The following ARSG variants were observed in gnomAD, a reference collection of about 807,000 sequenced individuals.
The protein encoded by ARSG is ASG.
In ARSG, 37 loss-of-function variants were observed where a neutral mutation model predicts 50.5. The ratio of observed to expected loss-of-function variants is 0.73; its 90% confidence interval spans 0.56 to 0.96. The LOEUF (loss-of-function observed/expected upper bound fraction) is 0.96. ARSG is among the 50% of genes least tolerant of loss of function. The probability of loss-of-function intolerance (pLI) is 0.00; values close to 1 mark genes in which losing one functional copy is unlikely to be tolerated. For missense variants in ARSG, 629 were observed against 675.3 expected, an observed-to-expected ratio of 0.93 and a Z score of 0.76; for synonymous variants, 225 against 254.6, an observed-to-expected ratio of 0.88 and a Z score of 1.11.
At chr17:68,384,319 T>G (rs1229116290) in intron 8 of ARSG, among the ~76,000 whole-genome samples, 2 of 152,164 alleles carry the variant, frequency 1.3e-5, no homozygotes, top group Non-Finnish European at 2.9e-5. Context: ...TGACCTCATG[T>G]CTTCCAGCCC....
At position 68,343,628 on chromosome 17, in the gene ARSG, C is replaced by T. The variant is rs1327925750; in HGVS notation, c.243C>T (p.Ala81=). 2 of 1,612,624 alleles carry T rather than the reference C, an allele frequency of 1.2e-6. No homozygotes were observed. The highest frequency in any genetic ancestry group is 1.7e-6 in the Non-Finnish European group (2 of 1,179,066). Residue 81 remains alanine, a synonymous_variant, in exon 3 of 12, where the codon GCC becomes GCT. Coordinates refer to ENST00000621439, the MANE Select transcript of ARSG (RefSeq NM_001267727.2). ...GMRFVDFHAA[A]STCSPSRASL... The stretch of plus-strand genomic sequence containing the variant: ...GGTTTGTGGATTTCCATGCAGCTGC[C>T]TCCACCTGCTCACCCTCCCGGGCTT...
chr17:68,284,678 T>C (rs1234179876), intron 1 of ARSG, among the ~76,000 whole-genome samples: 3 of 152,230 alleles, frequency 2.0e-5, no homozygotes, highest in African/African-American at 7.2e-5. Flanking sequence ...AAGCAGCAAA[T>C]CTGATCTAAC....
intron 9 of ARSG, among the ~76,000 whole-genome samples, chr17:68,390,149 G>A (rs1051367362): frequency 4.6e-5 from 7 of 151,950 alleles, no homozygotes; most frequent in Admixed American, 4.6e-4. Context: ...CACCATGCCC[G>A]GCTAATTTTT....
chr17:68,273,235 G>T (rs1162691178), intron 1 of ARSG, among the ~76,000 whole-genome samples: 3 of 151,410 alleles, frequency 2.0e-5, no homozygotes, highest in Non-Finnish European at 4.4e-5. Context: ...AACAGACAGG[G>T]TCTCACTCTG....
the ARSG span, among the ~76,000 whole-genome samples, chr17:68,450,450 C>G: frequency 6.6e-6 from 1 of 152,332 alleles, no homozygotes; most frequent in South Asian, 2.1e-4. Context: ...TGACCCATCC[C>G]TGCGGTGCCC....
intron 1 of ARSG, among the ~76,000 whole-genome samples, chr17:68,301,947 C>T (rs2076434033): frequency 6.6e-6 from 1 of 152,104 alleles, no homozygotes; most frequent in Non-Finnish European, 1.5e-5. Context: ...TTGCAGCCTC[C>T]ATCCCATGCC....
At chr17:68,426,254 G>GGGGGCCCCCCCCCCCCCCCCCCCCCC, downstream of ARSG, 1 of 816,924 alleles carries the variant, frequency 1.2e-6, no homozygotes, top group Non-Finnish European at 1.9e-6. Flanking sequence ...GGGAGCGGGG[G>GGGGGCCCCCCCCCCCCCCCCCCCCCC]CTCAAATAAA....
the ARSG span, among the ~76,000 whole-genome samples, chr17:68,451,524 C>T: frequency 2.6e-5 from 4 of 152,220 alleles, no homozygotes; most frequent in Non-Finnish European, 4.4e-5. Context: ...GCAGAATCTC[C>T]CCTCCAGACC....
At chr17:68,309,028 C>T (rs528931339) in intron 2 of ARSG, among the ~76,000 whole-genome samples, 94 of 152,346 alleles carry the variant, frequency 6.2e-4, no homozygotes, top group Non-Finnish European at 1.0e-3. Context: ...TCAGGCATGG[C>T]GGGCTGCAGG....
chr17:68,269,200 C>T (rs2075248224), intron 1 of ARSG: 6 of 1,567,742 alleles, frequency 3.8e-6, no homozygotes, highest in Non-Finnish European at 5.2e-6. Context: ...CGATGGCTCA[C>T]TACCTTTGTT....
At chr17:68,318,660 C>T (rs368003689) in intron 2 of ARSG, among the ~76,000 whole-genome samples, 2 of 152,166 alleles carry the variant, frequency 1.3e-5, no homozygotes, top group South Asian at 2.1e-4. Context: ...TACTTATGTA[C>T]GTTGATTTGC....
intron 1 of ARSG, among the ~76,000 whole-genome samples, chr17:68,275,271 G>A (rs1280341961): frequency 2.0e-5 from 3 of 152,038 alleles, no homozygotes; most frequent in Non-Finnish European, 4.4e-5. Flanking sequence ...CTTGACAACA[G>A]TGACGTAAGT....
chr17:68,407,653 G>A (rs1407661800), intron 11 of ARSG, among the ~76,000 whole-genome samples: 5 of 150,824 alleles, frequency 3.3e-5, no homozygotes, highest in Admixed American at 1.3e-4. Flanking sequence ...TTGACTCTCC[G>A]CTTGGTTGCT....
chr17:68,380,003 C>A, intron 8 of ARSG: 1 of 393,708 alleles, frequency 2.5e-6, no homozygotes, highest in Non-Finnish European at 3.5e-6. Flanking sequence ...CCACGTAATA[C>A]ATGAATTTTC....
rs1022741701 is a variant in ARSG at position 68,379,762 on chromosome 17, A to C, written c.983-5302A>C. Reference sequence around the variant, plus strand: ...TGGAGAGAGGACCCTGTCGAATGACATTCAGCATTAGTTAAATGAAAAACA... The same window carrying C: ...TGGAGAGAGGACCCTGTCGAATGACCTTCAGCATTAGTTAAATGAAAAACA... On this transcript the variant is annotated intron_variant, in intron 8 of 11. Coordinates refer to ENST00000621439, the MANE Select transcript of ARSG (RefSeq NM_001267727.2). 1.1e-5 allele frequency: 10 copies of C among 927,964 alleles called. No homozygotes were observed. In the African/African-American group the frequency reaches 1.8e-4, roughly 17 times the overall value. The allele number at this position is 927,964 out of a possible 1,614,324, so 57.5% of individuals were successfully genotyped here.
At chr17:68,392,428 AGT>A (rs1424157911) in intron 9 of ARSG, among the ~76,000 whole-genome samples, 2 of 152,186 alleles carry the variant, frequency 1.3e-5, no homozygotes, top group African/African-American at 4.8e-5. Context: ...TGATGGACTA[AGT>A]GTGTGTTGTT....
chr17:68,342,489 G>A (rs1181038303), intron 2 of ARSG, among the ~76,000 whole-genome samples: 1 of 151,418 alleles, frequency 6.6e-6, no homozygotes, highest in Admixed American at 6.6e-5. Context: ...AAGTAGCTGG[G>A]GTTACAGGCA....
intron 2 of ARSG, among the ~76,000 whole-genome samples, chr17:68,310,263 A>T (rs906765874): frequency 6.6e-6 from 1 of 152,166 alleles, no homozygotes. Flanking sequence ...CCCAGCCCCA[A>T]CATCCAGAGT....
chr17:68,435,649 C>A, the ARSG span: 1 of 1,614,230 alleles, frequency 6.2e-7, no homozygotes, highest in Non-Finnish European at 8.5e-7. Flanking sequence ...AGTTTGGAGC[C>A]TGAGGCATTG....
Sources: gnomAD v4.1 joint callset for allele counts (sites outside exome capture counted in the v4.1 genomes callset) on GRCh38, gnomAD v4.1.1 for gene constraint, MANE v1.5 for transcripts, NCBI Gene and HGNC (gene_info 2026-07-23, HGNC 2026-07-21) for gene names.